The following FHL5 variants were observed in gnomAD, a reference collection of about 807,000 sequenced individuals.
FHL5 encodes the protein four and a half LIM domains protein 5.
A neutral mutation model predicts 32.0 loss-of-function variants in FHL5; 33 were observed. The observed-to-expected ratio is 1.03, with a 90% CI of 0.78 to 1.38. The LOEUF (loss-of-function observed/expected upper bound fraction) is 1.38, where lower values mean the gene tolerates loss of function less well. Among genes scored for constraint, FHL5 ranks in the 40% most tolerant of loss-of-function variants. FHL5 has a pLI of 0.00. For synonymous variants in FHL5, 114 were observed against 113.6 expected (o/e 1.00, Z -0.02); for missense variants, 336 against 343.9 (o/e 0.98, Z 0.18).
chr6:96,591,184 C>G (rs1406913671), intron 1 of FHL5, among the ~76,000 whole-genome samples: 1 of 152,098 alleles, frequency 6.6e-6, no homozygotes, highest in Non-Finnish European at 1.5e-5. Context: ...GCAAAATTCA[C>G]TGGTAAAGCC....
intron 1 of FHL5, among the ~76,000 whole-genome samples, chr6:96,565,521 A>T (rs1357620791): frequency 1.3e-5 from 2 of 152,202 alleles, no homozygotes; most frequent in Admixed American, 1.3e-4. Context: ...CCTTAAATTT[A>T]TCTCACTTGA....
Position 96,614,453 on chromosome 6 carries a change from A to AC in FHL5, c.692-1155dup, listed in dbSNP as rs562048727. ...TTTGATGCAATTTTCTGTATGAACTACTAAATTATATATGAAGACATCAAA... is the reference window on the plus strand; with the variant it reads ...TTTGATGCAATTTTCTGTATGAACTACCTAAATTATATATGAAGACATCAAA... On this transcript the variant is annotated intron_variant, in intron 5 of 5. Coordinates refer to ENST00000450218, the MANE Select transcript of FHL5 (RefSeq NM_001322466.2). Among the ~76,000 whole-genome samples, 263 of 152,314 alleles carry AC rather than the reference A, an allele frequency of 1.7e-3. 1 individual carries two copies. The highest frequency in any genetic ancestry group is 3.6e-3 in the African/African-American group (151 of 41,564).
chr6:96,562,610 C>A (rs1770271711), upstream of FHL5: 1 of 152,230 alleles, frequency 6.6e-6, no homozygotes, highest in Admixed American at 6.5e-5. Context: ...AGGGAACTAC[C>A]TTGAGTATTC....
At chr6:96,604,237 T>C (rs1268954323) in intron 2 of FHL5, among the ~76,000 whole-genome samples, 3 of 151,888 alleles carry the variant, frequency 2.0e-5, no homozygotes, top group Admixed American at 6.5e-5. Context: ...TCCTCCGACA[T>C]GCTTATTCTT....
intron 1 of FHL5, among the ~76,000 whole-genome samples, chr6:96,577,588 T>A (rs567295144): frequency 6.6e-6 from 1 of 152,286 alleles, no homozygotes; most frequent in East Asian, 1.9e-4. Flanking sequence ...GTAACTTGAG[T>A]TGCCCCAAAT....
At chr6:96,582,898 A>T (rs1316005577) in intron 1 of FHL5, among the ~76,000 whole-genome samples, 1 of 152,148 alleles carries the variant, frequency 6.6e-6, no homozygotes, top group Non-Finnish European at 1.5e-5. Context: ...ATTTAATTGC[A>T]CATTTTCCAT....
chr6:96,565,369 G>A (rs1201792428), intron 1 of FHL5, among the ~76,000 whole-genome samples: 2 of 152,104 alleles, frequency 1.3e-5, no homozygotes, highest in Non-Finnish European at 2.9e-5. Flanking sequence ...TATGAATGAG[G>A]GCAAGTGAGT....
intron 1 of FHL5, among the ~76,000 whole-genome samples, chr6:96,588,223 T>C (rs958784446): frequency 2.0e-5 from 3 of 152,270 alleles, no homozygotes; most frequent in African/African-American, 4.8e-5. Context: ...TTCTTTCTTT[T>C]TTTTTGAGAC....
intron 1 of FHL5, among the ~76,000 whole-genome samples, chr6:96,569,141 T>C (rs918159463): frequency 6.6e-6 from 1 of 152,018 alleles, no homozygotes; most frequent in African/African-American, 2.4e-5. Flanking sequence ...GTATTTTGTG[T>C]TTCTATTTTC....
At chr6:96,574,977 T>G (rs2127960566) in intron 1 of FHL5, among the ~76,000 whole-genome samples, 1 of 152,286 alleles carries the variant, frequency 6.6e-6, no homozygotes, top group Middle Eastern at 3.4e-3. Context: ...AGGTGACAAG[T>G]TAAATTTTCG....
At chr6:96,606,886 C>T (rs1279224823) in intron 4 of FHL5, among the ~76,000 whole-genome samples, 1 of 152,064 alleles carries the variant, frequency 6.6e-6, no homozygotes, top group Admixed American at 6.6e-5. Flanking sequence ...TTTGTATTTC[C>T]TATGAGTAGG....
At chr6:96,605,377 C>A (rs891608490) in intron 3 of FHL5, among the ~76,000 whole-genome samples, 5 of 152,180 alleles carry the variant, frequency 3.3e-5, no homozygotes. Context: ...TATCATTCCA[C>A]TTTTGGCAAG....
intron 1 of FHL5, among the ~76,000 whole-genome samples, chr6:96,575,936 A>G (rs575350576): frequency 2.4e-4 from 37 of 152,340 alleles, no homozygotes; most frequent in African/African-American, 8.2e-4. Flanking sequence ...AAGCTCTGAC[A>G]TGTAAAAAGA....
intron 1 of FHL5, among the ~76,000 whole-genome samples, chr6:96,579,365 A>G (rs1442634630): frequency 6.6e-6 from 1 of 152,180 alleles, no homozygotes; most frequent in African/African-American, 2.4e-5. Flanking sequence ...TATATACAAC[A>G]AATTTAATAA....
chr6:96,581,427 C>A (rs1489395828), intron 1 of FHL5, among the ~76,000 whole-genome samples: 1 of 152,126 alleles, frequency 6.6e-6, no homozygotes, highest in Non-Finnish European at 1.5e-5. Flanking sequence ...CACACACTTC[C>A]AGACCATGGC....
At chr6:96,606,342 T>G (rs73492775) in intron 4 of FHL5, among the ~76,000 whole-genome samples, 6,690 of 151,990 alleles carry the variant, frequency 0.044, 385 homozygotes, top group African/African-American at 0.13. Context: ...TTCACTGTTT[T>G]TTGTTGTTGT....
intron 1 of FHL5, among the ~76,000 whole-genome samples, chr6:96,595,041 G>A (rs149169805): frequency 1.2e-3 from 175 of 151,804 alleles, no homozygotes; most frequent in African/African-American, 4.0e-3. Flanking sequence ...CATGTTAGTC[G>A]AGGTCTTTGC....
chr6:96,594,899 C>T (rs931305148), intron 1 of FHL5, among the ~76,000 whole-genome samples: 1 of 151,868 alleles, frequency 6.6e-6, no homozygotes, highest in Non-Finnish European at 1.5e-5. Flanking sequence ...TCCAGCAATA[C>T]AAGGATTAAC....
At chr6:96,590,680 C>T (rs901747417) in intron 1 of FHL5, among the ~76,000 whole-genome samples, 18 of 151,848 alleles carry the variant, frequency 1.2e-4, no homozygotes, top group South Asian at 2.1e-4. Flanking sequence ...ATTTATAATC[C>T]GAGTAAAAGC....
Sources: allele counts gnomAD v4.1 joint callset (sites outside exome capture counted in the v4.1 genomes callset), GRCh38; gene constraint gnomAD v4.1.1; transcripts MANE v1.5; gene names NCBI Gene and HGNC (gene_info 2026-07-23, HGNC 2026-07-21).